Variants in LRMDA observed in about 807,000 individuals in gnomAD.
LRMDA encodes the protein leucine-rich melanocyte differentiation-associated protein.
In LRMDA, 18 loss-of-function variants were observed where a neutral mutation model predicts 29.8. The ratio of observed to expected loss-of-function variants is 0.60; its 90% CI spans 0.42 to 0.90. LRMDA has a LOEUF of 0.90. Ranked by LOEUF, LRMDA falls within the 40% of genes least tolerant of loss-of-function variation. The pLI is 0.00. For missense variants in LRMDA, 273 were observed against 273.9 expected, an observed-to-expected ratio of 1.00 and a Z score of 0.02; for synonymous variants, 125 against 109.4, an observed-to-expected ratio of 1.14 and a Z score of -0.89.
intron 5 of LRMDA, among the ~76,000 whole-genome samples, chr10:76,163,927 A>C (rs1850690631): frequency 6.6e-6 from 1 of 152,112 alleles, no homozygotes; most frequent in Non-Finnish European, 1.5e-5. Flanking sequence ...AGATTTAGTC[A>C]GGGCAAAAAA....
At chr10:75,975,406 T>C (rs548287365) in intron 2 of LRMDA, among the ~76,000 whole-genome samples, 6 of 152,314 alleles carry the variant, frequency 3.9e-5, no homozygotes, top group African/African-American at 1.4e-4. Context: ...CAGGAGATGG[T>C]TCAGTAAAAC....
chr10:76,065,994 A>T (rs1848778606), intron 5 of LRMDA, among the ~76,000 whole-genome samples: 1 of 152,208 alleles, frequency 6.6e-6, no homozygotes, highest in Non-Finnish European at 1.5e-5. Context: ...ATCCCAGCCA[A>T]CCACAGACCT....
chr10:75,738,277 A>G (rs951743358), intron 2 of LRMDA, among the ~76,000 whole-genome samples: 2 of 151,948 alleles, frequency 1.3e-5, no homozygotes, highest in African/African-American at 2.4e-5. Flanking sequence ...GCTGGCCCCA[A>G]ATCAGCTGCA....
intron 2 of LRMDA, among the ~76,000 whole-genome samples, chr10:75,836,041 A>G (rs373188874): frequency 1.6e-4 from 25 of 152,172 alleles, no homozygotes; most frequent in African/African-American, 5.6e-4. Context: ...ATAAGAAAAA[A>G]AATCCTCACT....
At chr10:76,517,863 A>G (rs747365315) in intron 6 of LRMDA, among the ~76,000 whole-genome samples, 2 of 151,216 alleles carry the variant, frequency 1.3e-5, no homozygotes, top group Non-Finnish European at 3.0e-5. Flanking sequence ...TTTGTGATAT[A>G]TTTTCACGAA....
intron 2 of LRMDA, among the ~76,000 whole-genome samples, chr10:75,596,167 A>G (rs1840785116): frequency 6.6e-6 from 1 of 152,324 alleles, no homozygotes; most frequent in South Asian, 2.1e-4. Flanking sequence ...TCCAAGGTAG[A>G]TATGATTATG....
In LRMDA at chr10:76,110,369, C is replaced by CT. The variant is rs1319917454; in HGVS notation, c.516+51587dup. Among the ~76,000 whole-genome samples, 18 of 152,348 alleles carry CT rather than the reference C, an allele frequency of 1.2e-4. No homozygotes were observed. The South Asian group carries it at 3.7e-3, about 32-fold the overall frequency. On this transcript the variant is annotated intron_variant, in intron 5 of 6. Transcript: ENST00000611255. ...ATTCTGGACTATTATAGTCCCCAAA[C>CT]TAGTCTTACTTCCATCAGCTTTTGA...
intron 2 of LRMDA, among the ~76,000 whole-genome samples, chr10:75,709,890 C>A (rs547947040): frequency 1.8e-4 from 28 of 152,324 alleles, no homozygotes; most frequent in African/African-American, 6.7e-4. Context: ...CCTCCCTTGG[C>A]AGCCTTCATT....
intron 2 of LRMDA, among the ~76,000 whole-genome samples, chr10:75,572,251 T>C (rs1255887699): frequency 6.6e-6 from 1 of 152,162 alleles, no homozygotes; most frequent in Non-Finnish European, 1.5e-5. Flanking sequence ...CGTGCCTGGA[T>C]TGTTATTATT....
At chr10:76,519,047 A>T (rs937521864) in intron 6 of LRMDA, among the ~76,000 whole-genome samples, 1 of 152,146 alleles carries the variant, frequency 6.6e-6, no homozygotes, top group Non-Finnish European at 1.5e-5. Context: ...GGTGGTTTAC[A>T]TGTGTAATCC....
chr10:76,111,809 T>TGG (rs66523834), intron 5 of LRMDA, among the ~76,000 whole-genome samples: 5 of 150,632 alleles, frequency 3.3e-5, no homozygotes, highest in East Asian at 2.0e-4. Context: ...GAAATGGGGG[T>TGG]GGGGGGGGGC....
At chr10:76,033,799 C>A (rs1461981999) in intron 2 of LRMDA, among the ~76,000 whole-genome samples, 2 of 152,000 alleles carry the variant, frequency 1.3e-5, no homozygotes, top group South Asian at 4.2e-4. Flanking sequence ...CCTTTTGGCA[C>A]ATCACTCCCT....
chr10:75,742,551 T>G (rs1029808548), intron 2 of LRMDA, among the ~76,000 whole-genome samples: 4 of 152,178 alleles, frequency 2.6e-5, no homozygotes, highest in Admixed American at 1.3e-4. Context: ...ATAAGCCACA[T>G]GGGGACAGCC....
At chr10:76,176,866 C>G (rs1038627317) in intron 5 of LRMDA, among the ~76,000 whole-genome samples, 1 of 152,192 alleles carries the variant, frequency 6.6e-6, no homozygotes, top group Admixed American at 6.5e-5. Flanking sequence ...GTAATTGTAT[C>G]AAGGTGATGG....
At chr10:76,147,241 G>T (rs989266587) in intron 5 of LRMDA, among the ~76,000 whole-genome samples, 33 of 152,146 alleles carry the variant, frequency 2.2e-4, no homozygotes, top group Admixed American at 7.9e-4. Context: ...TGCCTTGCTA[G>T]ATTGGGGAAG....
At chr10:75,647,168 G>T (rs891342103) in intron 2 of LRMDA, among the ~76,000 whole-genome samples, 6 of 152,164 alleles carry the variant, frequency 3.9e-5, no homozygotes, top group African/African-American at 1.4e-4. Flanking sequence ...TCCTTCACCA[G>T]CTGCAACAAG....
intron 2 of LRMDA, among the ~76,000 whole-genome samples, chr10:75,853,144 T>G (rs945053161): frequency 6.6e-6 from 1 of 152,134 alleles, no homozygotes; most frequent in East Asian, 1.9e-4. Context: ...TTATGGGAAC[T>G]ACAGTACAAG....
At chr10:76,231,405 T>C (rs1284735921) in intron 5 of LRMDA, among the ~76,000 whole-genome samples, 1 of 152,366 alleles carries the variant, frequency 6.6e-6, no homozygotes, top group African/African-American at 2.4e-5. Flanking sequence ...GCTTTGTTGA[T>C]AGTACTTGTT....
chr10:75,926,937 G>C (rs571009654), intron 2 of LRMDA, among the ~76,000 whole-genome samples: 3 of 152,176 alleles, frequency 2.0e-5, no homozygotes, highest in Non-Finnish European at 4.4e-5. Flanking sequence ...GATCTGGGTT[G>C]ACTTCAGTGT....
Sources: gnomAD v4.1 joint callset for allele counts (sites outside exome capture counted in the v4.1 genomes callset) on GRCh38, gnomAD v4.1.1 for gene constraint, MANE v1.5 for transcripts, NCBI Gene and HGNC (gene_info 2026-07-23, HGNC 2026-07-21) for gene names.